The following ST8SIA6 variants were observed in gnomAD, a reference collection of about 807,000 sequenced individuals.
The protein encoded by ST8SIA6 is ST8 alpha-N-acetyl-neuraminide alpha-2,8-sialyltransferase 6, also known as alpha-2,8-sialyltransferase 8F.
ST8SIA6 carries 39 observed loss-of-function variants against 33.6 expected under a neutral mutation model. The observed-to-expected ratio is 1.16, with a 90% CI of 0.90 to 1.52. The LOEUF is 1.52. Among genes scored for constraint, ST8SIA6 ranks in the 40% most tolerant of loss-of-function variants. ST8SIA6 has a pLI of 0.00. For synonymous variants in ST8SIA6, 172 were observed against 167.2 expected, an observed-to-expected ratio of 1.03 and a Z score of -0.22; for missense variants, 441 against 443.8, an observed-to-expected ratio of 0.99 and a Z score of 0.06.
chr10:17,325,706 C>T (rs775625293), intron 6 of ST8SIA6, among the ~76,000 whole-genome samples: 5 of 152,082 alleles, frequency 3.3e-5, no homozygotes, highest in East Asian at 1.9e-4. Flanking sequence ...ACACCAAACA[C>T]GTCTAGCCCT....
At chr10:17,349,668 CA>C (rs1469217416) in intron 4 of ST8SIA6, among the ~76,000 whole-genome samples, 3 of 152,112 alleles carry the variant, frequency 2.0e-5, no homozygotes, top group Admixed American at 1.3e-4. Flanking sequence ...TATTCACTTA[CA>C]GGGGAGACCA....
intron 2 of ST8SIA6, among the ~76,000 whole-genome samples, chr10:17,423,000 T>G (rs572288109): frequency 6.6e-6 from 1 of 152,196 alleles, no homozygotes; most frequent in African/African-American, 2.4e-5. Context: ...TCCCGTTCAA[T>G]GTAACAGAAA....
chr10:17,329,236 T>G (rs2131582632), intron 5 of ST8SIA6, among the ~76,000 whole-genome samples: 1 of 152,290 alleles, frequency 6.6e-6, no homozygotes, highest in South Asian at 2.1e-4. Flanking sequence ...ACATTTAACC[T>G]ACACAGCAAC....
intron 3 of ST8SIA6, among the ~76,000 whole-genome samples, chr10:17,362,351 T>C (rs550486537): frequency 6.6e-6 from 1 of 152,332 alleles, no homozygotes; most frequent in South Asian, 2.1e-4. Context: ...TGTTTATTAC[T>C]AAACTAAAAA....
chr10:17,425,888 C>T (rs1851923020), intron 2 of ST8SIA6, among the ~76,000 whole-genome samples: 1 of 152,158 alleles, frequency 6.6e-6, no homozygotes, highest in South Asian at 2.1e-4. Flanking sequence ...GCTTTGACAT[C>T]TGGGAAAAAC....
chr10:17,450,397 C>T (rs961636686), intron 2 of ST8SIA6, among the ~76,000 whole-genome samples: 2 of 152,178 alleles, frequency 1.3e-5, no homozygotes, highest in Non-Finnish European at 1.5e-5. Context: ...CTCTTGACCG[C>T]TGCATCACCT....
intron 4 of ST8SIA6, among the ~76,000 whole-genome samples, chr10:17,339,070 A>G (rs1326625060): frequency 2.0e-5 from 3 of 152,092 alleles, no homozygotes; most frequent in Non-Finnish European, 4.4e-5. Flanking sequence ...TTGCATTACA[A>G]ATTCCTTTTG....
At chr10:17,398,097 C>T (rs45587232) in intron 2 of ST8SIA6, among the ~76,000 whole-genome samples, 2,109 of 152,170 alleles carry the variant, frequency 0.014, 20 homozygotes, top group African/African-American at 0.03. Flanking sequence ...GAGGCTGCGG[C>T]GGGTGGATCA....
chr10:17,443,341 C>G (rs1852572191), intron 2 of ST8SIA6, among the ~76,000 whole-genome samples: 1 of 152,194 alleles, frequency 6.6e-6, no homozygotes, highest in Non-Finnish European at 1.5e-5. Flanking sequence ...AATGCAGCTT[C>G]TAAAGACAGC....
At chr10:17,364,094 G>T (rs955326601) in intron 3 of ST8SIA6, among the ~76,000 whole-genome samples, 1 of 143,316 alleles carries the variant, frequency 7.0e-6, no homozygotes, top group Non-Finnish European at 1.5e-5. Flanking sequence ...TTTTATTTTA[G>T]CTTACTTGAA....
chr10:17,446,412 A>C (rs572992892), intron 2 of ST8SIA6, among the ~76,000 whole-genome samples: 12 of 152,364 alleles, frequency 7.9e-5, no homozygotes, highest in African/African-American at 2.9e-4. Flanking sequence ...ACAAATGGAA[A>C]GTGAGATGTA....
intron 2 of ST8SIA6, among the ~76,000 whole-genome samples, chr10:17,447,306 G>A (rs951083400): frequency 2.0e-5 from 3 of 151,614 alleles, no homozygotes; most frequent in Admixed American, 6.6e-5. Flanking sequence ...CTGAGGAGGC[G>A]GAGGCAGGAG....
intron 2 of ST8SIA6, among the ~76,000 whole-genome samples, 180 bp from the exon 3 acceptor site, chr10:17,390,800 A>AAAAAC (rs1491537323): frequency 8.4e-5 from 2 of 23,890 alleles, no homozygotes; most frequent in African/African-American, 1.5e-3. Flanking sequence ...GGTCTAAATG[A>AAAAAC]AAAAAAAAAC....
chr10:17,328,269 G>A (rs1022433532), intron 5 of ST8SIA6, among the ~76,000 whole-genome samples: 1 of 152,144 alleles, frequency 6.6e-6, no homozygotes, highest in East Asian at 1.9e-4. Flanking sequence ...TATGCCTGCC[G>A]TCTCTGCGAA....
chr10:17,318,654 G>C lies in ST8SIA6; in HGVS notation c.*2224C>G, dbSNP rs959044444. 1 of 469,850 alleles carries C rather than the reference G, an allele frequency of 2.1e-6. No homozygotes were observed. The highest frequency in any genetic ancestry group is 4.4e-6 in the Non-Finnish European group (1 of 226,720). 29.1% of individuals were successfully genotyped at this position (469,850 alleles called of 1,614,324 possible). On this transcript the variant is annotated 3_prime_UTR_variant, in exon 8 of 8. Coordinates refer to ENST00000377602, the MANE Select transcript of ST8SIA6 (RefSeq NM_001004470.3). The stretch of plus-strand genomic sequence containing the variant: ...ATGCTGATTACATACAGATTTCTTG[G>C]GAGTGTCACAGTCAGACTTGGTTGT...
At chr10:17,432,423 C>T (rs1188128154) in intron 2 of ST8SIA6, among the ~76,000 whole-genome samples, 3 of 152,166 alleles carry the variant, frequency 2.0e-5, no homozygotes, top group South Asian at 2.1e-4. Flanking sequence ...TTCCACCCCA[C>T]GCATTTGCCG....
chr10:17,345,735 G>C (rs1408638161), intron 4 of ST8SIA6, among the ~76,000 whole-genome samples: 5 of 152,114 alleles, frequency 3.3e-5, no homozygotes, highest in Admixed American at 3.3e-4. Flanking sequence ...AGCATTGAAG[G>C]GTCTTATTTA....
At chr10:17,376,379 A>T (rs1457782841) in intron 3 of ST8SIA6, among the ~76,000 whole-genome samples, 1 of 140,042 alleles carries the variant, frequency 7.1e-6, no homozygotes, top group Non-Finnish European at 1.6e-5. Flanking sequence ...GACTTCCGAG[A>T]GCTTTTATTA....
intron 2 of ST8SIA6, among the ~76,000 whole-genome samples, chr10:17,421,275 C>G (rs1300239400): frequency 6.6e-6 from 1 of 152,198 alleles, no homozygotes; most frequent in Admixed American, 6.5e-5. Flanking sequence ...GCATTAGGAT[C>G]TATCTGTCTT....
Sources: gnomAD v4.1 joint callset for allele counts (sites outside exome capture counted in the v4.1 genomes callset) on GRCh38, gnomAD v4.1.1 for gene constraint, MANE v1.5 for transcripts, NCBI Gene and HGNC (gene_info 2026-07-23, HGNC 2026-07-21) for gene names.